The following SNX29 variants were observed in gnomAD, a reference collection of about 807,000 sequenced individuals.
The protein encoded by SNX29 is sorting nexin 29, also known as sorting nexin-29.
SNX29 carries 78 observed loss-of-function variants against 102.1 expected under a neutral mutation model. The ratio of observed to expected loss-of-function variants is 0.76; its 90% CI spans 0.64 to 0.92. The LOEUF is 0.92. Among genes scored for constraint, SNX29 ranks in the 40% least tolerant of loss-of-function variants. The pLI is 0.00. For missense variants in SNX29, 1,280 were observed against 1,061.7 expected, an observed-to-expected ratio of 1.21 and a Z score of -2.86; for synonymous variants, 580 against 414.5, an observed-to-expected ratio of 1.40 and a Z score of -4.85.
chr16:12,421,835 G>A, intron 18 of SNX29, among the ~76,000 whole-genome samples: 1 of 140,940 alleles, frequency 7.1e-6, no homozygotes, highest in East Asian at 2.1e-4. Context: ...CACTAGCCAT[G>A]CATCACCATC....
At chr16:12,429,845 G>A (rs936827805) in intron 18 of SNX29, among the ~76,000 whole-genome samples, 6 of 152,202 alleles carry the variant, frequency 3.9e-5, no homozygotes, top group African/African-American at 1.4e-4. Flanking sequence ...GTCTTAGAAA[G>A]GGCATGGACT....
intron 4 of SNX29, among the ~76,000 whole-genome samples, chr16:12,039,653 G>A (rs2057573059): frequency 6.6e-6 from 1 of 152,186 alleles, no homozygotes; most frequent in African/African-American, 2.4e-5. Flanking sequence ...GTCCTAGATT[G>A]GAAGCCAGGT....
intron 1 of SNX29, among the ~76,000 whole-genome samples, chr16:11,984,366 C>A (rs1164517857): frequency 3.3e-5 from 3 of 90,846 alleles, no homozygotes; most frequent in African/African-American, 1.3e-4. Context: ...ACCCCTCAGA[C>A]CCTGTCTCAA....
chr16:12,500,941 T>G (rs1183225419), intron 19 of SNX29, among the ~76,000 whole-genome samples: 1 of 152,206 alleles, frequency 6.6e-6, no homozygotes, highest in East Asian at 1.9e-4. Context: ...TGTCAGATTG[T>G]CAGGCTCTGA....
chr16:12,552,256 G>A (rs549536194), intron 20 of SNX29, among the ~76,000 whole-genome samples: 4 of 152,268 alleles, frequency 2.6e-5, no homozygotes, highest in Non-Finnish European at 4.4e-5. Context: ...GCCTCCTAGG[G>A]GCTCGTAAGC....
intron 20 of SNX29, among the ~76,000 whole-genome samples, chr16:12,539,034 G>C (rs2077205016): frequency 6.6e-6 from 1 of 152,130 alleles, no homozygotes; most frequent in African/African-American, 2.4e-5. Flanking sequence ...ATCCAGAATG[G>C]GGCCCAGAAA....
intron 9 of SNX29, among the ~76,000 whole-genome samples, chr16:12,067,528 C>G (rs942740266): frequency 1.3e-5 from 2 of 152,230 alleles, no homozygotes; most frequent in Admixed American, 1.3e-4. Flanking sequence ...CACTCTGTCT[C>G]CCAGGCTGGA....
intron 18 of SNX29, among the ~76,000 whole-genome samples, chr16:12,412,086 A>G (rs1281851108): frequency 2.0e-5 from 3 of 152,150 alleles, no homozygotes; most frequent in Admixed American, 6.5e-5. Flanking sequence ...CATGAAAGCA[A>G]CCGAAGTTCA....
At chr16:12,388,407 G>A (rs1567512398) in intron 16 of SNX29, among the ~76,000 whole-genome samples, 1 of 152,184 alleles carries the variant, frequency 6.6e-6, no homozygotes, top group Non-Finnish European at 1.5e-5. Context: ...GGCCTCTTTT[G>A]ATTCTCAAGC....
intron 16 of SNX29, among the ~76,000 whole-genome samples, chr16:12,383,877 C>G (rs559639300): frequency 6.6e-6 from 1 of 151,696 alleles, no homozygotes; most frequent in South Asian, 2.1e-4. Flanking sequence ...CTCCACTACC[C>G]TTCTCAGCCT....
At chr16:12,190,309 A>C (rs2076610964) in intron 13 of SNX29, among the ~76,000 whole-genome samples, 1 of 151,986 alleles carries the variant, frequency 6.6e-6, no homozygotes, top group African/African-American at 2.4e-5. Context: ...CTTATGGATG[A>C]GGGCAATATT....
At chr16:12,566,895 A>G (rs193300093) in intron 20 of SNX29, among the ~76,000 whole-genome samples, 1 of 152,348 alleles carries the variant, frequency 6.6e-6, no homozygotes, top group African/African-American at 2.4e-5. Context: ...ACTTACAGGA[A>G]AAGACAATCA....
chr16:12,285,137 A>C (rs983329480), intron 15 of SNX29, among the ~76,000 whole-genome samples: 3 of 152,136 alleles, frequency 2.0e-5, no homozygotes, highest in African/African-American at 7.2e-5. Flanking sequence ...CGGTGCTCTC[A>C]CTTAGGTAAA....
At chr16:12,073,046 G>A (rs971515506) in intron 10 of SNX29, among the ~76,000 whole-genome samples, 1 of 152,036 alleles carries the variant, frequency 6.6e-6, no homozygotes, top group Non-Finnish European at 1.5e-5. Flanking sequence ...GCGTCTATTT[G>A]ATTCTTCTCT....
intron 15 of SNX29, among the ~76,000 whole-genome samples, chr16:12,337,887 G>C (rs2081500046): frequency 6.6e-6 from 1 of 152,156 alleles, no homozygotes; most frequent in Non-Finnish European, 1.5e-5. Flanking sequence ...AAGAAAACAG[G>C]TTGCAAGTGG....
At chr16:12,405,696 A>T (rs1382849727) in intron 18 of SNX29, among the ~76,000 whole-genome samples, 1 of 152,262 alleles carries the variant, frequency 6.6e-6, no homozygotes, top group East Asian at 1.9e-4. Context: ...AAGGTGACTC[A>T]TTTAAAATAC....
At chr16:12,538,096 A>C (rs2077158990) in intron 20 of SNX29, among the ~76,000 whole-genome samples, 1 of 149,780 alleles carries the variant, frequency 6.7e-6, no homozygotes, top group South Asian at 2.2e-4. Context: ...AAGCAAATTC[A>C]CAGCTTTCTG....
In SNX29 at chr16:12,027,435, A is replaced by T. The variant is rs906317066; in HGVS notation, c.238A>T (p.Thr80Ser). Residue 80 changes from threonine to serine, a missense_variant, in exon 4 of 21, where the codon ACC (threonine) becomes TCC (serine). Thr to Ser is a moderately conservative substitution (Grantham distance 58, BLOSUM62 1). Transcript: ENST00000566228. ...GCAGGCAGCGGGCTTTGCCAGCAAA[A>T]CCGAAACAGGTACTGCTCTGCCTGG... ...IKQAAGFASK[T>S]ETEPVFWYYV... is the part of the protein sequence containing the mutation. The T allele has an allele frequency of 6.2e-7, 1 of 1,613,820 alleles. No individual in the cohort carries two copies. The highest frequency in any genetic ancestry group is 1.1e-5 in the South Asian group (1 of 91,054).
intron 18 of SNX29, among the ~76,000 whole-genome samples, chr16:12,465,137 G>A (rs867932492): frequency 6.6e-6 from 1 of 152,164 alleles, no homozygotes; most frequent in Non-Finnish European, 1.5e-5. Flanking sequence ...CCCCTTATCA[G>A]ATATGGGGGT....
Sources: allele counts gnomAD v4.1 joint callset (sites outside exome capture counted in the v4.1 genomes callset), GRCh38; gene constraint gnomAD v4.1.1; transcripts MANE v1.5; gene names NCBI Gene and HGNC (gene_info 2026-07-23, HGNC 2026-07-21).